The following TMEM74 variants were observed in gnomAD, a reference collection of about 807,000 sequenced individuals.
TMEM74 encodes the protein transmembrane protein 74.
Under a neutral mutation model 18.1 loss-of-function variants are expected in TMEM74, and 13 were observed. That is an observed-to-expected ratio of 0.72 (90% CI 0.47 to 1.14). The LOEUF (loss-of-function observed/expected upper bound fraction) is 1.14, where lower values mean the gene tolerates loss of function less well. Ranked by LOEUF, TMEM74 falls within the 50% of genes most tolerant of loss-of-function variation. The pLI, the probability that TMEM74 is intolerant of heterozygous loss-of-function variation, is 0.00. For synonymous variants in TMEM74, 159 were observed against 146.6 expected (o/e 1.08, Z -0.61); for missense variants, 372 against 375.9 (o/e 0.99, Z 0.09).
chr8:108,672,803 C>T (rs1813016335), intron 1 of TMEM74, among the ~76,000 whole-genome samples: 1 of 152,168 alleles, frequency 6.6e-6, no homozygotes, highest in Non-Finnish European at 1.5e-5. Context: ...TTTACATTCA[C>T]AATGATGCTA....
At chr8:108,774,861 A>C (rs980410248), downstream of TMEM74, among the ~76,000 whole-genome samples, 1 of 150,888 alleles carries the variant, frequency 6.6e-6, no homozygotes, top group Non-Finnish European at 1.5e-5. Context: ...AGCCTCCCAA[A>C]GTGTTGTGAT....
At chr8:108,617,371 C>A (rs941776390) in intron 2 of TMEM74, among the ~76,000 whole-genome samples, 7 of 152,176 alleles carry the variant, frequency 4.6e-5, no homozygotes, top group Non-Finnish European at 7.4e-5. Context: ...CTACTGATAA[C>A]CTTTTTGTTT....
chr8:108,655,536 T>C (rs1382887496), intron 1 of TMEM74: 1 of 152,198 alleles, frequency 6.6e-6, no homozygotes, highest in Non-Finnish European at 1.5e-5. Context: ...AAAGTGACCT[T>C]GCAAAGCCAA....
At chr8:108,608,847 A>G (rs189820085) in intron 2 of TMEM74, 1 of 152,290 alleles carries the variant, frequency 6.6e-6, no homozygotes, top group African/African-American at 2.4e-5. Context: ...AATGAATCAG[A>G]AACATGTGGA....
At chr8:108,703,150 A>G (rs923771836) in intron 1 of TMEM74, among the ~76,000 whole-genome samples, 1 of 152,120 alleles carries the variant, frequency 6.6e-6, no homozygotes, top group Non-Finnish European at 1.5e-5. Context: ...GTCCCTCCCA[A>G]TGCTCAGTTT....
intron 1 of TMEM74, among the ~76,000 whole-genome samples, chr8:108,713,362 T>A (rs540944705): frequency 1.6e-4 from 24 of 149,514 alleles, no homozygotes; most frequent in Admixed American, 1.5e-3. Context: ...GGCCTTAAAC[T>A]TACAGTGGCA....
intron 1 of TMEM74, among the ~76,000 whole-genome samples, chr8:108,691,240 C>G (rs1273683640): frequency 1.3e-5 from 2 of 152,110 alleles, no homozygotes; most frequent in East Asian, 1.9e-4. Flanking sequence ...GGTTTCTTCC[C>G]ACAAGGAAAA....
chr8:108,679,138 A>G (rs1813086660), intron 1 of TMEM74, among the ~76,000 whole-genome samples: 1 of 151,992 alleles, frequency 6.6e-6, no homozygotes. Context: ...TTCTTAATCC[A>G]GTCTATTGTT....
In TMEM74 at chr8:108,781,559, A is replaced by C. The variant is rs1223782605; in HGVS notation, c.*2622T>G. ...AATAATGTCACCACAGCCCAAAAGA[A>C]GTCATTCAGATGATTTTCAAAATCA... On this transcript the variant is annotated 3_prime_UTR_variant, in exon 2 of 2. Transcript: ENST00000297459. Among the ~76,000 whole-genome samples the C allele has an allele frequency of 2.0e-5, 3 of 152,218 alleles. No homozygotes were observed. Among genetic ancestry groups the C allele is most frequent in the Non-Finnish European group, 4.4e-5 (3 of 68,042 alleles).
intron 1 of TMEM74, among the ~76,000 whole-genome samples, chr8:108,771,316 A>C (rs558888913): frequency 6.6e-6 from 1 of 152,302 alleles, no homozygotes; most frequent in East Asian, 1.9e-4. Context: ...AGGAAGATTA[A>C]ATTAAATGAG....
chr8:108,753,759 A>G (rs1035778017), intron 1 of TMEM74, among the ~76,000 whole-genome samples: 2 of 152,076 alleles, frequency 1.3e-5, no homozygotes, highest in Non-Finnish European at 2.9e-5. Flanking sequence ...ATTGCTTTAA[A>G]TTGATATGTG....
At chr8:108,625,513 C>T (rs961097953) in intron 2 of TMEM74, among the ~76,000 whole-genome samples, 1 of 151,872 alleles carries the variant, frequency 6.6e-6, no homozygotes, top group Non-Finnish European at 1.5e-5. Context: ...TATCTTGGAC[C>T]GTTCTAGATT....
intron 1 of TMEM74, among the ~76,000 whole-genome samples, chr8:108,683,067 T>C (rs956833430): frequency 2.0e-5 from 3 of 151,812 alleles, no homozygotes; most frequent in East Asian, 1.9e-4. Context: ...AAAAAACAAA[T>C]GCAGGATTAT....
At chr8:108,658,990 C>T (rs1812873911) in intron 1 of TMEM74, among the ~76,000 whole-genome samples, 1 of 151,972 alleles carries the variant, frequency 6.6e-6, no homozygotes, top group Non-Finnish European at 1.5e-5. Flanking sequence ...TTACTTTTAC[C>T]ACGGCTTCCA....
intron 1 of TMEM74, among the ~76,000 whole-genome samples, chr8:108,705,153 T>C (rs1159429423): frequency 6.6e-6 from 1 of 152,216 alleles, no homozygotes; most frequent in African/African-American, 2.4e-5. Context: ...TAAAACCCTT[T>C]TCTTTACTGA....
chr8:108,652,753 C>T, intron 2 of TMEM74: 1 of 525,728 alleles, frequency 1.9e-6, no homozygotes, highest in Non-Finnish European at 3.6e-6. Context: ...GACAAACACT[C>T]AGGACAAAGG....
At chr8:108,756,597 A>G (rs1563543587) in intron 1 of TMEM74, among the ~76,000 whole-genome samples, 14 of 68,836 alleles carry the variant, frequency 2.0e-4, no homozygotes, top group South Asian at 8.6e-4. Flanking sequence ...AGAAAGAAAG[A>G]GAAAGGAAGG....
chr8:108,613,860 C>T (rs891575130), intron 2 of TMEM74, among the ~76,000 whole-genome samples: 1 of 152,068 alleles, frequency 6.6e-6, no homozygotes, highest in African/African-American at 2.4e-5. Context: ...AATTCAAATC[C>T]CTTGACTGAA....
intron 1 of TMEM74, among the ~76,000 whole-genome samples, chr8:108,760,078 T>TACTC (rs1367175018): frequency 2.7e-5 from 4 of 150,472 alleles, no homozygotes; most frequent in Admixed American, 2.0e-4. Flanking sequence ...GAGGCTTAGG[T>TACTC]AAGAGAATCG....
Sources: allele counts gnomAD v4.1 joint callset (sites outside exome capture counted in the v4.1 genomes callset), GRCh38; gene constraint gnomAD v4.1.1; transcripts MANE v1.5; gene names NCBI Gene and HGNC (gene_info 2026-07-23, HGNC 2026-07-21).